PMF1: variants seen among roughly 807,000 people sequenced by gnomAD.
PMF1 encodes polyamine modulated factor 1, also known as polyamine-modulated factor 1.
Under a neutral mutation model 26.7 loss-of-function variants are expected in PMF1, and 21 were observed. The observed-to-expected ratio is 0.79, with a 90% CI of 0.56 to 1.13. The LOEUF (loss-of-function observed/expected upper bound fraction) is 1.13. Ranked by LOEUF, PMF1 falls within the 50% of genes most tolerant of loss-of-function variation. PMF1 has a pLI of 0.00. For missense variants in PMF1, 266 were observed against 254.9 expected (o/e 1.04, Z -0.30); for synonymous variants, 105 against 101.0 (o/e 1.04, Z -0.24).
chr1:156,238,334 T>C (rs925104424), intron 4 of PMF1, among the ~76,000 whole-genome samples: 3 of 152,240 alleles, frequency 2.0e-5, no homozygotes, highest in African/African-American at 7.2e-5. Flanking sequence ...ATATCCTCCA[T>C]GCCACAATTG....
intron 1 of PMF1, among the ~76,000 whole-genome samples, chr1:156,216,258 G>T (rs1657692584): frequency 6.6e-6 from 1 of 152,030 alleles, no homozygotes; most frequent in Non-Finnish European, 1.5e-5. Context: ...GGGCCTAGTG[G>T]CGCATGCCTG....
At chr1:156,236,516 T>C (rs909146191) in intron 4 of PMF1, 33 bp downstream of exon 4, 2 of 1,568,244 alleles carry the variant, frequency 1.3e-6, no homozygotes, top group Non-Finnish European at 1.7e-6. Flanking sequence ...TCCTCTTCCT[T>C]CTCTAATGGG....
intron 1 of PMF1, among the ~76,000 whole-genome samples, chr1:156,230,222 C>A (rs1465405557): frequency 6.6e-6 from 1 of 152,218 alleles, no homozygotes; most frequent in Non-Finnish European, 1.5e-5. Context: ...ACCTACAGTA[C>A]AGCATCAGTG....
At chr1:156,238,446 C>T (rs1225529978) in intron 4 of PMF1, among the ~76,000 whole-genome samples, 1 of 152,196 alleles carries the variant, frequency 6.6e-6, no homozygotes, top group Non-Finnish European at 1.5e-5. Context: ...CTGAATGACA[C>T]AGTAGCAGCT....
rs1304069342 is a variant in PMF1 at position 156,213,160 on chromosome 1, C to G, written c.145C>G (p.Leu49Val). ...DTMVDTFLQK[L>V]VAAGSYQRFT... The stretch of plus-strand genomic sequence containing the variant: ...CATGGTGGACACTTTTCTTCAGAAG[C>G]TGGTCGCCGCCGGCAGGTAAAGTGG... Residue 49 changes from leucine to valine, a missense_variant, in exon 1 of 5, where the codon CTG becomes GTG. Transcript: ENST00000368277. 6.2e-7 allele frequency: 1 copy of G among 1,613,258 alleles called. No homozygotes were observed. The highest frequency in any genetic ancestry group is 1.1e-5 in the South Asian group (1 of 91,078).
chr1:156,233,317 C>G (rs1326657737), intron 2 of PMF1, among the ~76,000 whole-genome samples: 2 of 136,958 alleles, frequency 1.5e-5, no homozygotes, highest in African/African-American at 5.4e-5. Flanking sequence ...CCACATCCAG[C>G]TAATTTTTTT....
intron 1 of PMF1, among the ~76,000 whole-genome samples, chr1:156,216,188 C>T (rs1657687827): frequency 6.6e-6 from 1 of 151,608 alleles, no homozygotes; most frequent in South Asian, 2.1e-4. Flanking sequence ...GTCAGAAGTT[C>T]GAGACCAGCC....
chr1:156,223,885 A>G (rs892266008), intron 1 of PMF1: 1 of 152,166 alleles, frequency 6.6e-6, no homozygotes, highest in Non-Finnish European at 1.5e-5. Flanking sequence ...CAGGAATTGT[A>G]CTGTTTCGTC....
rs2758599 is a variant in PMF1 at position 156,225,120 on chromosome 1, G to A, written c.162-7200G>A. 9.7e-4 allele frequency among the ~76,000 whole-genome samples: 148 copies of A among 151,942 alleles called. 1 individual carries two copies. The highest frequency in any genetic ancestry group is 3.5e-3 in the African/African-American group (143 of 41,448). ...TTGCCATATTGGCCAGGCTGGTCTC[G>A]AACTCCTGACCTCAGGTAATCCGCC... On this transcript the variant is annotated intron_variant, in intron 1 of 4. Coordinates refer to ENST00000368277, the MANE Select transcript of PMF1 (RefSeq NM_007221.4).
At chr1:156,237,062 T>C (rs1429263717) in intron 4 of PMF1, 1 of 153,268 alleles carries the variant, frequency 6.5e-6, no homozygotes, top group East Asian at 1.9e-4. Context: ...TTGGGAGCAA[T>C]TCAAGACCTC....
chr1:156,237,006 G>C (rs1348831136), intron 4 of PMF1: 1 of 155,068 alleles, frequency 6.4e-6, no homozygotes, highest in Non-Finnish European at 1.4e-5. Flanking sequence ...ATCAAGTCAG[G>C]GTATTTGAGG....
chr1:156,229,813 T>C (rs1396432280), intron 1 of PMF1, among the ~76,000 whole-genome samples: 1 of 152,180 alleles, frequency 6.6e-6, no homozygotes, highest in African/African-American at 2.4e-5. Flanking sequence ...CGTCAGGTGA[T>C]CCACCGGTCT....
chr1:156,221,982 A>G (rs966763465), intron 1 of PMF1, among the ~76,000 whole-genome samples: 1 of 152,090 alleles, frequency 6.6e-6, no homozygotes, highest in Non-Finnish European at 1.5e-5. Context: ...CCTGCCTCCA[A>G]ACTGGCCCTC....
Position 156,230,997 on chromosome 1 carries a change from C to T in PMF1, c.162-1323C>T, listed in dbSNP as rs532255060. 3.9e-5 allele frequency among the ~76,000 whole-genome samples: 6 copies of T among 152,090 alleles called. No individual in the cohort carries two copies. In the East Asian group the frequency reaches 5.8e-4, roughly 15 times the overall value. ...TTGGGAGGCCGAGATGGGCGGATCA[C>T]GAGGTCAGGAGATCAAGACCATCCT... is the stretch of plus-strand genomic sequence containing the variant. On this transcript the variant is annotated intron_variant, in intron 1 of 4. Transcript: ENST00000368277.
intron 1 of PMF1, among the ~76,000 whole-genome samples, chr1:156,217,982 T>C (rs1401665457): frequency 3.3e-5 from 5 of 152,238 alleles, no homozygotes; most frequent in Non-Finnish European, 7.3e-5. Context: ...CTCTGTTCCA[T>C]CAGATTACTT....
chr1:156,235,536 G>C (rs1658961184), intron 3 of PMF1, among the ~76,000 whole-genome samples: 1 of 149,310 alleles, frequency 6.7e-6, no homozygotes, highest in Non-Finnish European at 1.5e-5. Flanking sequence ...CCGCCTCCTG[G>C]GTTCACGCCA....
intron 4 of PMF1, among the ~76,000 whole-genome samples, chr1:156,239,122 G>T (rs919830472): frequency 1.1e-4 from 16 of 152,308 alleles, no homozygotes; most frequent in African/African-American, 3.8e-4. Context: ...AAAGCCCCCT[G>T]CTCTTAAAGC....
At position 156,228,231 on chromosome 1, in the gene PMF1, C is replaced by T. The variant is rs1167209917; in HGVS notation, c.162-4089C>T. ...TCGGCCTCCCAAAGTGCTGGGATTA[C>T]AGGCGTGAGCCACCGCACCTGGCGA... On this transcript the variant is annotated intron_variant, in intron 1 of 4. Coordinates refer to ENST00000368277, the MANE Select transcript of PMF1 (RefSeq NM_007221.4). 3.7e-5 allele frequency among the ~76,000 whole-genome samples: 5 copies of T among 136,608 alleles called. No homozygotes were observed. The East Asian group carries it at 1.1e-3, about 30-fold the overall frequency. The allele number at this position is 136,608 out of a possible 152,430, so 89.6% of individuals were successfully genotyped here.
At chr1:156,227,164 G>A (rs928836085) in intron 1 of PMF1, among the ~76,000 whole-genome samples, 26 of 152,266 alleles carry the variant, frequency 1.7e-4, no homozygotes, top group Non-Finnish European at 8.8e-5. Flanking sequence ...TATAATTTGC[G>A]TAAAAAGATA....
Sources: allele counts gnomAD v4.1 joint callset (sites outside exome capture counted in the v4.1 genomes callset), GRCh38; gene constraint gnomAD v4.1.1; transcripts MANE v1.5; gene names NCBI Gene and HGNC (gene_info 2026-07-23, HGNC 2026-07-21).